The following CAMK4 variants were observed in gnomAD, a reference collection of about 807,000 sequenced individuals.
The protein encoded by CAMK4 is calcium/calmodulin-dependent protein kinase type IV.
In CAMK4, 22 loss-of-function variants were observed where a neutral mutation model predicts 44.9. The observed-to-expected ratio is 0.49, with a 90% CI of 0.35 to 0.70. The LOEUF (loss-of-function observed/expected upper bound fraction) is 0.70. CAMK4 is among the 30% of genes least tolerant of loss of function. CAMK4 has a pLI of 0.01. For missense variants in CAMK4, 498 were observed against 586.8 expected (o/e 0.85, Z 1.56); for synonymous variants, 218 against 215.4 (o/e 1.01, Z -0.11).
intron 2 of CAMK4, among the ~76,000 whole-genome samples, chr5:111,356,428 G>A (rs1210745091): frequency 2.6e-5 from 4 of 152,156 alleles, no homozygotes; most frequent in Non-Finnish European, 5.9e-5. Flanking sequence ...AGTAGGTTGC[G>A]GAAATTTTCT....
At position 111,491,108 on chromosome 5, in the gene CAMK4, GA is replaced by G. The variant is rs1755812863; in HGVS notation, c.*6643del. ...AAACTTATGTGCATATTTTTTTAAA[GA>G]GTAATTTCCACATAATTCCCCAAGA... is the stretch of plus-strand genomic sequence containing the variant. On this transcript the variant is annotated 3_prime_UTR_variant, in exon 11 of 11. Coordinates refer to ENST00000282356, the MANE Select transcript of CAMK4 (RefSeq NM_001744.6). The G allele has an allele frequency of 6.6e-6, 1 of 152,156 alleles. No homozygotes were observed. Among genetic ancestry groups the G allele is most frequent in the African/African-American group, 2.4e-5 (1 of 41,432 alleles). 9.4% of individuals were successfully genotyped at this position (152,156 alleles called of 1,614,324 possible). A position where few individuals can be genotyped will look rare whatever the true frequency, so the allele number is the denominator to read the frequency against.
chr5:111,430,901 C>T (rs1753417895), intron 5 of CAMK4, among the ~76,000 whole-genome samples: 1 of 151,950 alleles, frequency 6.6e-6, no homozygotes, highest in Admixed American at 6.6e-5. Flanking sequence ...AGATTCAGTG[C>T]AATCACTATC....
intron 1 of CAMK4, among the ~76,000 whole-genome samples, chr5:111,226,002 TA>T (rs1279388295): frequency 6.6e-6 from 1 of 152,236 alleles, no homozygotes; most frequent in Admixed American, 6.5e-5. Flanking sequence ...TGCCTGTTAT[TA>T]ATTGTATGAT....
intron 5 of CAMK4, among the ~76,000 whole-genome samples, chr5:111,419,287 G>A (rs1752932589): frequency 6.6e-6 from 1 of 152,248 alleles, no homozygotes; most frequent in South Asian, 2.1e-4. Flanking sequence ...TTTTGATGGG[G>A]TTGTTTGTTT....
chr5:111,398,001 G>A (rs140014661), intron 5 of CAMK4, among the ~76,000 whole-genome samples: 17 of 152,162 alleles, frequency 1.1e-4, no homozygotes, highest in Non-Finnish European at 2.2e-4. Flanking sequence ...CATATATCAG[G>A]AAGAGTGTAC....
At chr5:111,429,326 T>C (rs1389497190) in intron 5 of CAMK4, among the ~76,000 whole-genome samples, 2 of 151,980 alleles carry the variant, frequency 1.3e-5, no homozygotes, top group African/African-American at 4.8e-5. Flanking sequence ...ACTACAGAAA[T>C]TCAAAGGTAA....
intron 1 of CAMK4, among the ~76,000 whole-genome samples, chr5:111,303,730 A>G (rs1747833177): frequency 6.7e-6 from 1 of 148,856 alleles, no homozygotes; most frequent in Non-Finnish European, 1.5e-5. Context: ...GTTCAGATTC[A>G]GGAAATACAG....
intron 1 of CAMK4, among the ~76,000 whole-genome samples, chr5:111,295,622 A>G (rs545339112): frequency 6.6e-6 from 1 of 152,250 alleles, no homozygotes; most frequent in Non-Finnish European, 1.5e-5. Flanking sequence ...ATTATGGCTC[A>G]TGGAACACAT....
At chr5:111,315,807 C>T (rs1748397058) in intron 1 of CAMK4, among the ~76,000 whole-genome samples, 1 of 152,076 alleles carries the variant, frequency 6.6e-6, no homozygotes, top group Non-Finnish European at 1.5e-5. Context: ...AAGTCTGCAG[C>T]CAGTGACAGC....
chr5:111,243,848 C>T (rs1333237970), intron 1 of CAMK4, among the ~76,000 whole-genome samples: 1 of 152,160 alleles, frequency 6.6e-6, no homozygotes, highest in African/African-American at 2.4e-5. Flanking sequence ...TATAGCTGCA[C>T]GAATGCAACA....
At chr5:111,300,477 GA>G (rs1747674515) in intron 1 of CAMK4, among the ~76,000 whole-genome samples, 1 of 152,032 alleles carries the variant, frequency 6.6e-6, no homozygotes, top group Non-Finnish European at 1.5e-5. Context: ...TCTTTGCATT[GA>G]TTTTTTTGTG....
Position 111,486,510 on chromosome 5 carries a change from C to CAT in CAMK4, c.*2045_*2046insTA, listed in dbSNP as rs1755628453. On this transcript the variant is annotated 3_prime_UTR_variant, in exon 11 of 11. Coordinates refer to ENST00000282356, the MANE Select transcript of CAMK4 (RefSeq NM_001744.6). ...TTACCATGAGACTGAAACACACACACACACACACACACACACACACACACA... is the reference window on the plus strand; with the variant it reads ...TTACCATGAGACTGAAACACACACACATACACACACACACACACACACACACA... The CAT allele has an allele frequency of 9.1e-6, 1 of 110,454 alleles. No individual in the cohort carries two copies. The highest frequency in any genetic ancestry group is 3.4e-5 in the African/African-American group (1 of 29,012). 6.8% of individuals were successfully genotyped at this position (110,454 alleles called of 1,614,324 possible). A position where few individuals can be genotyped will look rare whatever the true frequency, so the allele number is the denominator to read the frequency against.
chr5:111,295,294 T>C (rs1272162930), intron 1 of CAMK4, among the ~76,000 whole-genome samples: 1 of 152,218 alleles, frequency 6.6e-6, no homozygotes, highest in Non-Finnish European at 1.5e-5. Context: ...AGCATGACTA[T>C]TGTCCATGTC....
chr5:111,232,688 T>C (rs1043438372), intron 1 of CAMK4, among the ~76,000 whole-genome samples: 16 of 151,944 alleles, frequency 1.1e-4, no homozygotes, highest in Admixed American at 3.3e-4. Flanking sequence ...TGGGCTGAGG[T>C]TGTGGGACTC....
intron 1 of CAMK4, among the ~76,000 whole-genome samples, chr5:111,283,971 G>C (rs1751130498): frequency 6.6e-6 from 1 of 152,028 alleles, no homozygotes; most frequent in African/African-American, 2.4e-5. Context: ...GTGTCCTAAA[G>C]TTTTAAAATA....
chr5:111,323,213 A>G (rs1006662919), intron 1 of CAMK4, among the ~76,000 whole-genome samples: 1 of 152,112 alleles, frequency 6.6e-6, no homozygotes, highest in Non-Finnish European at 1.5e-5. Context: ...AAAGCCAGAA[A>G]CCAAAGATAA....
chr5:111,415,051 A>G (rs1346995227), intron 5 of CAMK4, among the ~76,000 whole-genome samples: 1 of 152,240 alleles, frequency 6.6e-6, no homozygotes, highest in East Asian at 1.9e-4. Flanking sequence ...TCTCTGCCAG[A>G]TATAAAAATG....
At chr5:111,397,321 G>A (rs963887223) in intron 5 of CAMK4, among the ~76,000 whole-genome samples, 1 of 152,116 alleles carries the variant, frequency 6.6e-6, no homozygotes, top group Non-Finnish European at 1.5e-5. Context: ...GATAACTTGC[G>A]GAAATCATAG....
At chr5:111,311,696 T>C (rs1269802072) in intron 1 of CAMK4, among the ~76,000 whole-genome samples, 1 of 152,182 alleles carries the variant, frequency 6.6e-6, no homozygotes, top group Non-Finnish European at 1.5e-5. Context: ...TTCATAAATT[T>C]CTAAAAGACA....
Sources: allele counts gnomAD v4.1 joint callset (sites outside exome capture counted in the v4.1 genomes callset), GRCh38; gene constraint gnomAD v4.1.1; transcripts MANE v1.5; gene names NCBI Gene and HGNC (gene_info 2026-07-23, HGNC 2026-07-21).